The following PIGX variants were observed in gnomAD, a reference collection of about 807,000 sequenced individuals.
PIGX encodes the protein phosphatidylinositol glycan anchor biosynthesis class X, also known as GPI alpha-1,4-mannosyltransferase I, stabilizing subunit.
PIGX carries 24 observed loss-of-function variants against 28.7 expected under a neutral mutation model. The ratio of observed to expected loss-of-function variants is 0.84; its 90% CI spans 0.60 to 1.17. The LOEUF is 1.17. Among genes scored for constraint, PIGX ranks in the 50% most tolerant of loss-of-function variants. PIGX has a pLI of 0.00. For missense variants in PIGX, 305 were observed against 317.8 expected (o/e 0.96, Z 0.31); for synonymous variants, 127 against 121.0 (o/e 1.05, Z -0.33).
At chr3:196,723,078 AC>A (rs2108681975) in intron 3 of PIGX, among the ~76,000 whole-genome samples, 1 of 152,372 alleles carries the variant, frequency 6.6e-6, no homozygotes, top group East Asian at 1.9e-4. Context: ...GCAGCGTCTT[AC>A]GCTTGTAATC....
intron 1 of PIGX, among the ~76,000 whole-genome samples, chr3:196,713,479 G>C (rs1253973105): frequency 2.0e-5 from 3 of 151,788 alleles, no homozygotes; most frequent in East Asian, 3.9e-4. Context: ...CTAATTTTTT[G>C]TATTTTTAGT....
chr3:196,719,161 G>A (rs1712211770), intron 2 of PIGX, among the ~76,000 whole-genome samples: 1 of 151,988 alleles, frequency 6.6e-6, no homozygotes, highest in Non-Finnish European at 1.5e-5. Context: ...GTCAGTCTCT[G>A]CATTCTAATT....
intron 2 of PIGX, among the ~76,000 whole-genome samples, chr3:196,718,592 T>G (rs1712192058): frequency 6.6e-6 from 1 of 152,208 alleles, no homozygotes; most frequent in Non-Finnish European, 1.5e-5. Flanking sequence ...GATATTATCT[T>G]CTTGAAATAT....
intron 4 of PIGX, among the ~76,000 whole-genome samples, chr3:196,729,431 G>T (rs1234421475): frequency 4.6e-5 from 7 of 151,032 alleles, no homozygotes; most frequent in African/African-American, 1.7e-4. Context: ...TTTTGAGGCG[G>T]AGTCTCGCTC....
intron 5 of PIGX, among the ~76,000 whole-genome samples, chr3:196,732,216 T>TTATTTTTATA (rs1400132891): frequency 1.9e-5 from 1 of 51,376 alleles, no homozygotes; most frequent in Admixed American, 2.8e-4. Flanking sequence ...TATATATTAT[T>TTATTTTTATA]TATATATATA....
rs866673504 is a variant in PIGX at position 196,732,269 on chromosome 3, T to A, written c.633+1177T>A. Among the ~76,000 whole-genome samples the A allele has an allele frequency of 2.8e-3, 137 of 48,898 alleles. 5 individuals are homozygous for A. Among genetic ancestry groups the A allele is most frequent in the Middle Eastern group, 7.8e-3 (1 of 128 alleles). The allele number at this position is 48,898 out of a possible 152,430, so 32.1% of individuals were successfully genotyped here. A position where few individuals can be genotyped will look rare whatever the true frequency, so the allele number is the denominator to read the frequency against. Reference sequence around the variant, plus strand: ...ATATATATATATATTTTATTTTATTTTATTTTTTTTTTTATTTTATTTTTT... The same window carrying A: ...ATATATATATATATTTTATTTTATTATATTTTTTTTTTTATTTTATTTTTT... On this transcript the variant is annotated intron_variant, in intron 5 of 5. Coordinates refer to ENST00000392391, the MANE Select transcript of PIGX (RefSeq NM_017861.4).
chr3:196,726,335 T>C (rs1712520637), intron 3 of PIGX, among the ~76,000 whole-genome samples: 1 of 151,674 alleles, frequency 6.6e-6, no homozygotes, highest in Non-Finnish European at 1.5e-5. Flanking sequence ...AATAGGCAGC[T>C]CATGCCTATT....
At chr3:196,718,581 C>T (rs545884590) in intron 2 of PIGX, among the ~76,000 whole-genome samples, 6 of 152,126 alleles carry the variant, frequency 3.9e-5, no homozygotes, top group South Asian at 2.1e-4. Context: ...CTTGGTCATG[C>T]GATATTATCT....
chr3:196,727,823 G>T, intron 3 of PIGX, 100 bp from the exon 4 acceptor site: 1 of 707,290 alleles, frequency 1.4e-6, no homozygotes, highest in South Asian at 2.4e-5. Context: ...GGGCAAATTT[G>T]ACACTGCTGT....
chr3:196,721,387 C>T (rs2108680676), intron 2 of PIGX: 1 of 163,968 alleles, frequency 6.1e-6, no homozygotes, highest in Non-Finnish European at 1.3e-5. Context: ...TTATATTCTT[C>T]ATCTCTTAAA....
At chr3:196,726,612 T>C (rs1205136373) in intron 3 of PIGX, 1 of 451,414 alleles carries the variant, frequency 2.2e-6, no homozygotes. Flanking sequence ...TTGGAAACCA[T>C]GTCATGAGAA....
Position 196,733,976 on chromosome 3 carries a change from A to G in PIGX, c.*74A>G. The G allele has an allele frequency of 4.2e-6, 4 of 948,318 alleles. No homozygotes were observed. The highest frequency in any genetic ancestry group is 2.2e-4 in the Middle Eastern group (1 of 4,536). 58.7% of individuals were successfully genotyped at this position (948,318 alleles called of 1,614,324 possible). A position where few individuals can be genotyped will look rare whatever the true frequency, so the allele number is the denominator to read the frequency against. The stretch of plus-strand genomic sequence containing the variant: ...TTTCTGACGAGAGGTGTTCTTCTAG[A>G]ATTAATTACTTTTATCTTTTGTCTT... On this transcript the variant is annotated 3_prime_UTR_variant, in exon 6 of 6. Coordinates refer to ENST00000392391, the MANE Select transcript of PIGX (RefSeq NM_017861.4). The surrounding 1 kb of genome is among the most constrained non-coding windows in gnomAD (Gnocchi z 4.3).
intron 1 of PIGX, among the ~76,000 whole-genome samples, chr3:196,715,103 TAAAA>T (rs933211278): frequency 6.6e-6 from 1 of 151,846 alleles, no homozygotes; most frequent in Non-Finnish European, 1.5e-5. Context: ...TAAATAAAAA[TAAAA>T]AAAGAACAAA....
chr3:196,716,806 TTA>T (rs1712113806), intron 1 of PIGX, 50 bp from the exon 2 acceptor site: 2 of 857,052 alleles, frequency 2.3e-6, no homozygotes, highest in African/African-American at 3.6e-5. Flanking sequence ...TATTTAAATA[TTA>T]TTTTATTCAG....
intron 5 of PIGX, 50 bp downstream of exon 5, chr3:196,731,142 C>A: frequency 2.9e-6 from 3 of 1,036,180 alleles, no homozygotes; most frequent in Non-Finnish European, 4.4e-6. Flanking sequence ...TCATTTAAAG[C>A]TCTTTCTGTA....
chr3:196,731,470 G>T (rs1712752287), intron 5 of PIGX, among the ~76,000 whole-genome samples: 1 of 152,134 alleles, frequency 6.6e-6, no homozygotes, highest in African/African-American at 2.4e-5. Flanking sequence ...GAGCCACCGT[G>T]CCCAGCTGGG....
At chr3:196,727,133 T>G (rs1187991775) in intron 3 of PIGX, among the ~76,000 whole-genome samples, 2 of 152,158 alleles carry the variant, frequency 1.3e-5, no homozygotes, top group African/African-American at 2.4e-5. Context: ...ATGGACAATC[T>G]AAAGAGAAGT....
At chr3:196,726,524 T>C (rs916203139) in intron 3 of PIGX, 8 of 342,158 alleles carry the variant, frequency 2.3e-5, no homozygotes, top group African/African-American at 1.5e-4. Context: ...AAAAAACTAA[T>C]GCAAGTTTTG....
intron 1 of PIGX, chr3:196,713,128 A>G: frequency 1.0e-6 from 1 of 979,196 alleles, no homozygotes; most frequent in Non-Finnish European, 1.2e-6. Flanking sequence ...ATAAAGGGTA[A>G]GGTTTGATGG....
Sources: allele counts gnomAD v4.1 joint callset (sites outside exome capture counted in the v4.1 genomes callset), GRCh38; gene constraint gnomAD v4.1.1; non-coding constraint Gnocchi (gnomAD v3.1); transcripts MANE v1.5; gene names NCBI Gene and HGNC (gene_info 2026-07-23, HGNC 2026-07-21).